Variants in MTRR observed in about 807,000 individuals in gnomAD.
MTRR encodes methionine synthase reductase.
In MTRR, 63 loss-of-function variants were observed where a neutral mutation model predicts 79.2. That is an observed-to-expected ratio of 0.80 (90% CI 0.65 to 0.98). MTRR has a LOEUF of 0.98. MTRR is among the 50% of genes least tolerant of loss of function. The probability of loss-of-function intolerance (pLI) is 0.00; values close to 1 mark genes in which losing one functional copy is unlikely to be tolerated. For missense variants in MTRR, 895 were observed against 839.6 expected (o/e 1.07, Z -0.82); for synonymous variants, 355 against 313.3 (o/e 1.13, Z -1.41).
chr5:7,899,286 T>G (rs904106446), intron 14 of MTRR, among the ~76,000 whole-genome samples: 3 of 152,126 alleles, frequency 2.0e-5, no homozygotes, highest in African/African-American at 7.2e-5. Context: ...GAGTTACACT[T>G]CCTACCCTCA....
chr5:7,870,973 G>T, intron 2 of MTRR, 50 bp downstream of exon 2: 1 of 1,611,800 alleles, frequency 6.2e-7, no homozygotes, highest in South Asian at 1.1e-5. Flanking sequence ...GAAGAATTTT[G>T]GTTGGGAAGT....
intron 1 of MTRR, among the ~76,000 whole-genome samples, chr5:7,858,429 C>A (rs556692474): frequency 3.3e-5 from 5 of 152,080 alleles, no homozygotes; most frequent in Non-Finnish European, 7.4e-5. Flanking sequence ...CAGAATCTAC[C>A]GTGCTTATCT....
intron 11 of MTRR, chr5:7,893,509 T>G (rs1394281760): frequency 6.4e-6 from 1 of 155,462 alleles, no homozygotes; most frequent in East Asian, 1.9e-4. Context: ...CTCAACAGAT[T>G]GTGGACACTT....
intron 8 of MTRR, among the ~76,000 whole-genome samples, chr5:7,887,348 G>C (rs1358984215): frequency 6.6e-6 from 1 of 151,856 alleles, no homozygotes; most frequent in East Asian, 1.9e-4. Flanking sequence ...GCTCCCGGAA[G>C]TGGCCATTAA....
chr5:7,882,057 TCAAA>T (rs1248108075), intron 5 of MTRR, among the ~76,000 whole-genome samples: 7 of 152,014 alleles, frequency 4.6e-5, no homozygotes, highest in Non-Finnish European at 8.8e-5. Context: ...TTCCCAGGAG[TCAAA>T]CAATGAGATG....
chr5:7,850,924 G>T, upstream of MTRR: 1 of 1,360,236 alleles, frequency 7.4e-7, no homozygotes. Flanking sequence ...CAGGCGCCGC[G>T]GCGGGATGTA....
intron 14 of MTRR, among the ~76,000 whole-genome samples, chr5:7,898,517 A>G (rs1738915665): frequency 6.6e-6 from 1 of 152,218 alleles, no homozygotes. Flanking sequence ...GCACTTGAAC[A>G]TTGATCGTCC....
At chr5:7,865,313 C>A (rs1264092856), upstream of MTRR, among the ~76,000 whole-genome samples, 1 of 151,946 alleles carries the variant, frequency 6.6e-6, no homozygotes, top group Non-Finnish European at 1.5e-5. Context: ...TTTCAAAAAT[C>A]AGATACTCTA....
Position 7,869,413 on chromosome 5 carries a change from A to G in MTRR, c.-26+198A>G, listed in dbSNP as rs1346304470. 1.1e-5 allele frequency: 7 copies of G among 609,616 alleles called. No individual in the cohort carries two copies. In the African/African-American group the frequency reaches 1.3e-4, roughly 12 times the overall value. The allele number at this position is 609,616 out of a possible 1,614,324, so 37.8% of individuals were successfully genotyped here. A position where few individuals can be genotyped will look rare whatever the true frequency, so the allele number is the denominator to read the frequency against. Reference sequence around the variant, plus strand: ...GGCCTTTGGCTTTGGTGTCCCCGGGAGCGTGTCCTTGGGCTCGGCGTCGGC... The same window carrying G: ...GGCCTTTGGCTTTGGTGTCCCCGGGGGCGTGTCCTTGGGCTCGGCGTCGGC... On this transcript the variant is annotated intron_variant, in intron 1 of 14. Transcript: ENST00000440940.
At chr5:7,896,537 A>G (rs1738550656) in intron 12 of MTRR, 1 of 366,186 alleles carries the variant, frequency 2.7e-6, no homozygotes, top group Non-Finnish European at 5.1e-6. Flanking sequence ...ACTTTTCCAT[A>G]GTACAAGTTC....
chr5:7,891,440 A>G, intron 10 of MTRR, 26 bp downstream of exon 10: 3 of 1,588,338 alleles, frequency 1.9e-6, no homozygotes, highest in Admixed American at 1.7e-5. Context: ...CACGTAATAT[A>G]TAGCATTGTT....
chr5:7,872,142 G>A, intron 2 of MTRR: 1 of 390,820 alleles, frequency 2.6e-6, no homozygotes, highest in Non-Finnish European at 5.0e-6. Context: ...TACAAACTCT[G>A]TATGTAGAGT....
intron 1 of MTRR, chr5:7,870,215 T>G: frequency 3.4e-6 from 1 of 297,642 alleles, no homozygotes; most frequent in Non-Finnish European, 5.1e-6. Flanking sequence ...TGAAGGAGAG[T>G]ATGTGCTTCA....
chr5:7,852,368 G>A (rs572084610), intron 1 of MTRR, among the ~76,000 whole-genome samples: 23 of 152,070 alleles, frequency 1.5e-4, no homozygotes, highest in Non-Finnish European at 3.4e-4. Context: ...GTGCCACCAC[G>A]CTTTTTCTCT....
At chr5:7,893,154 C>A (rs1310611845) in intron 11 of MTRR, 2 of 537,046 alleles carry the variant, frequency 3.7e-6, no homozygotes, top group East Asian at 6.8e-5. Context: ...CTTTGCTTGT[C>A]CTATTCATGG....
intron 7 of MTRR, 120 bp from the exon 8 acceptor site, chr5:7,886,495 G>A (rs1736456417): frequency 1.2e-6 from 1 of 801,336 alleles, no homozygotes; most frequent in Admixed American, 2.1e-5. Context: ...ATTGCCACAA[G>A]TCATGTTGCA....
At position 7,889,236 on chromosome 5, in the gene MTRR, G is replaced by A. The variant is rs564953226; in HGVS notation, c.1288G>A (p.Ala430Thr). ...ACACLLDLLL[A>T]FPSCQPPLSL... ...TGCCTGCTTGTTGGATCTCCTCCTC[G>A]CTTTCCCTTCTTGCCAGCCACCACT... Residue 430 changes from alanine (A) to threonine (T), a missense_variant, in exon 9 of 15, where the codon GCT becomes ACT. Coordinates refer to ENST00000440940, the MANE Select transcript of MTRR (RefSeq NM_002454.3). 82 of 1,613,076 alleles carry A rather than the reference G, an allele frequency of 5.1e-5. No individual in the cohort carries two copies. The highest frequency in any genetic ancestry group is 3.3e-4 in the South Asian group (30 of 91,028).
chr5:7,863,000 A>T (rs1258314177), intron 2 of MTRR: 1 of 1,609,130 alleles, frequency 6.2e-7, no homozygotes, highest in Non-Finnish European at 8.5e-7. Context: ...TTTGGACCCT[A>T]AAAAATCATA....
intron 1 of MTRR, chr5:7,861,475 T>C (rs894240888): frequency 4.1e-5 from 33 of 809,296 alleles, no homozygotes; most frequent in Non-Finnish European, 5.4e-5. Context: ...TGTAGTATTT[T>C]AATTTCCAGA....
Sources: gnomAD v4.1 joint callset for allele counts (sites outside exome capture counted in the v4.1 genomes callset) on GRCh38, gnomAD v4.1.1 for gene constraint, MANE v1.5 for transcripts, NCBI Gene and HGNC (gene_info 2026-07-23, HGNC 2026-07-21) for gene names.